CNTNAP4: variants seen among roughly 807,000 people sequenced by gnomAD.
The protein encoded by CNTNAP4 is contactin associated protein family member 4, also known as contactin-associated protein-like 4.
In CNTNAP4, 98 loss-of-function variants were observed where a neutral mutation model predicts 148.4. The ratio of observed to expected loss-of-function variants is 0.66; its 90% CI spans 0.56 to 0.78. The LOEUF (loss-of-function observed/expected upper bound fraction) is 0.78, where lower values mean the gene tolerates loss of function less well. CNTNAP4 is among the 30% of genes least tolerant of loss of function. The pLI, the probability that CNTNAP4 is intolerant of heterozygous loss-of-function variation, is 0.00. For missense variants in CNTNAP4, 1,935 were observed against 1,565.6 expected, an observed-to-expected ratio of 1.24 and a Z score of -3.98; for synonymous variants, 730 against 565.1, an observed-to-expected ratio of 1.29 and a Z score of -4.14.
chr16:76,358,182 A>G (rs770873534), intron 3 of CNTNAP4, among the ~76,000 whole-genome samples: 28 of 152,140 alleles, frequency 1.8e-4, no homozygotes, highest in Non-Finnish European at 3.7e-4. Context: ...AAAAATACAA[A>G]AAAGTTAGCT....
Position 76,318,778 on chromosome 16 carries a change from C to A in CNTNAP4, c.196+2255C>A, listed in dbSNP as rs8055898. Among the ~76,000 whole-genome samples the A allele has an allele frequency of 6.3e-3, 870 of 138,174 alleles. 5 individuals carry two copies. Among genetic ancestry groups the A allele is most frequent in the African/African-American group, 0.017 (609 of 35,102 alleles). 90.6% of individuals were successfully genotyped at this position (138,174 alleles called of 152,430 possible). ...TAATATTCATAATAATAATCATAAT[C>A]ATAATAATTAATAATTATGAGAAAT... is the stretch of plus-strand genomic sequence containing the variant. On this transcript the variant is annotated intron_variant, in intron 2 of 23. Transcript: ENST00000611870.
intron 12 of CNTNAP4, among the ~76,000 whole-genome samples, chr16:76,481,093 A>T (rs1029966456): frequency 1.3e-5 from 2 of 152,232 alleles, no homozygotes; most frequent in Non-Finnish European, 2.9e-5. Context: ...AGACTCACTC[A>T]TATATGGATA....
chr16:76,355,987 A>G (rs2012577054), intron 3 of CNTNAP4, among the ~76,000 whole-genome samples: 1 of 151,488 alleles, frequency 6.6e-6, no homozygotes, highest in Non-Finnish European at 1.5e-5. Context: ...CGATTCTCCT[A>G]CTTCAGCCTC....
chr16:76,292,203 C>G (rs1243031861), intron 1 of CNTNAP4, among the ~76,000 whole-genome samples: 2 of 152,170 alleles, frequency 1.3e-5, no homozygotes, highest in African/African-American at 4.8e-5. Flanking sequence ...CTTTGTCTTG[C>G]AAGAGTCCAC....
At chr16:76,504,461 T>G (rs2096099865) in intron 15 of CNTNAP4, among the ~76,000 whole-genome samples, 1 of 151,584 alleles carries the variant, frequency 6.6e-6, no homozygotes, top group Non-Finnish European at 1.5e-5. Flanking sequence ...GATACAAAAA[T>G]TAACTCAAGA....
Position 76,307,137 on chromosome 16 carries a change from C to T in CNTNAP4, c.86-9276C>T, listed in dbSNP as rs144148539. On this transcript the variant is annotated intron_variant, in intron 1 of 23. Coordinates refer to ENST00000611870, the MANE Select transcript of CNTNAP4 (RefSeq NM_033401.5). ...GCAAAATTAAAGATGAACATAAAAA[C>T]AGAAAAAGCAACTGAAACAAATATG... 2.4e-3 allele frequency among the ~76,000 whole-genome samples: 366 copies of T among 152,048 alleles called. 4 individuals carry two copies. The highest frequency in any genetic ancestry group is 6.9e-3 in the African/African-American group (285 of 41,462).
chr16:76,514,288 T>G (rs2083149851), intron 15 of CNTNAP4, among the ~76,000 whole-genome samples: 1 of 152,184 alleles, frequency 6.6e-6, no homozygotes. Flanking sequence ...TTCTCTTACA[T>G]CCAGACTAAA....
At chr16:76,350,584 A>AGGGTC (rs764573631) in intron 2 of CNTNAP4, among the ~76,000 whole-genome samples, 1 of 152,190 alleles carries the variant, frequency 6.6e-6, no homozygotes, top group Non-Finnish European at 1.5e-5. Context: ...TTTTGCGGTC[A>AGGGTC]ATCAGTTACA....
intron 9 of CNTNAP4, among the ~76,000 whole-genome samples, chr16:76,465,789 A>G (rs746516270): frequency 1.2e-4 from 19 of 152,162 alleles, no homozygotes; most frequent in Admixed American, 2.6e-4. Context: ...GCTTTGATGA[A>G]TTTTTCTTGA....
At chr16:76,409,897 A>G (rs2078731782) in intron 3 of CNTNAP4, among the ~76,000 whole-genome samples, 1 of 151,886 alleles carries the variant, frequency 6.6e-6, no homozygotes, top group Non-Finnish European at 1.5e-5. Context: ...TATACAACAC[A>G]ACAATCACAA....
intron 1 of CNTNAP4, among the ~76,000 whole-genome samples, chr16:76,303,627 C>G (rs1336729933): frequency 6.6e-6 from 1 of 152,110 alleles, no homozygotes; most frequent in Non-Finnish European, 1.5e-5. Context: ...TAAAGAGATG[C>G]CCATGTTCTC....
chr16:76,483,788 G>C (rs1349878089), intron 12 of CNTNAP4, among the ~76,000 whole-genome samples: 1 of 152,172 alleles, frequency 6.6e-6, no homozygotes, highest in African/African-American at 2.4e-5. Flanking sequence ...GTGAATGTCA[G>C]GCAGGCCAAA....
chr16:76,395,736 G>T (rs2078179376), intron 3 of CNTNAP4, among the ~76,000 whole-genome samples: 3 of 148,278 alleles, frequency 2.0e-5, no homozygotes, highest in East Asian at 2.0e-4. Context: ...TCTCTGGATG[G>T]TTTTTTTTTT....
At chr16:76,496,170 T>C (rs4369703) in intron 14 of CNTNAP4, among the ~76,000 whole-genome samples, 126,457 of 151,038 alleles carry the variant, frequency 0.84, 53,859 homozygotes, top group East Asian at 0.97. Context: ...AAGAATATTG[T>C]CTCTCTTACT....
chr16:76,514,449 TGAAAA>T (rs1380059657), intron 15 of CNTNAP4, among the ~76,000 whole-genome samples: 1 of 152,244 alleles, frequency 6.6e-6, no homozygotes, highest in African/African-American at 2.4e-5. Context: ...ATAAGACTAA[TGAAAA>T]GAAATATCTT....
chr16:76,336,721 G>A (rs1339668915), intron 2 of CNTNAP4, among the ~76,000 whole-genome samples: 1 of 152,172 alleles, frequency 6.6e-6, no homozygotes, highest in Non-Finnish European at 1.5e-5. Context: ...GCAACTAGGT[G>A]TGGTAAGAAT....
chr16:76,349,117 C>A (rs1414933948), intron 2 of CNTNAP4, among the ~76,000 whole-genome samples: 1 of 152,098 alleles, frequency 6.6e-6, no homozygotes, highest in Non-Finnish European at 1.5e-5. Flanking sequence ...CGGTCCTGAT[C>A]TTGTTTTCAG....
chr16:76,475,910 C>T, intron 10 of CNTNAP4, 29 bp from the exon 11 acceptor site: 1 of 1,511,712 alleles, frequency 6.6e-7, no homozygotes, highest in Non-Finnish European at 9.2e-7. Flanking sequence ...AAAATGGAAA[C>T]TGGTGATTGT....
chr16:76,439,721 C>T (rs993694592), intron 4 of CNTNAP4, among the ~76,000 whole-genome samples: 1 of 152,072 alleles, frequency 6.6e-6, no homozygotes, highest in Non-Finnish European at 1.5e-5. Context: ...AATAAGGGCA[C>T]CTTTTCCCTG....
Sources: allele counts gnomAD v4.1 joint callset (sites outside exome capture counted in the v4.1 genomes callset), GRCh38; gene constraint gnomAD v4.1.1; transcripts MANE v1.5; gene names NCBI Gene and HGNC (gene_info 2026-07-23, HGNC 2026-07-21).